Variants in CLINT1 observed in about 807,000 individuals in gnomAD.
CLINT1 encodes the protein clathrin interactor 1.
In CLINT1, 15 loss-of-function variants were observed where a neutral mutation model predicts 70.4. The observed-to-expected ratio is 0.21, with a 90% CI of 0.14 to 0.33. The LOEUF (loss-of-function observed/expected upper bound fraction) is 0.33. Among genes scored for constraint, CLINT1 ranks in the 10% least tolerant of loss-of-function variants. CLINT1 has a pLI of 1.00. For missense variants in CLINT1, 615 were observed against 778.1 expected (o/e 0.79, Z 2.49); for synonymous variants, 227 against 254.7 (o/e 0.89, Z 1.04).
chr5:157,804,931 AAAAAAG>A (rs71285036), intron 7 of CLINT1, among the ~76,000 whole-genome samples: 2,000 of 150,648 alleles, frequency 0.013, 52 homozygotes, highest in African/African-American at 0.046. Context: ...CGGTCTTCCA[AAAAAAG>A]AAAAAGAAAA....
At chr5:157,855,839 G>A (rs915666300) in intron 1 of CLINT1, among the ~76,000 whole-genome samples, 1 of 152,016 alleles carries the variant, frequency 6.6e-6, no homozygotes, top group African/African-American at 2.4e-5. Context: ...GGAGGCTGAG[G>A]CAGGAGACTC....
At chr5:157,817,419 C>T (rs747769159) in intron 2 of CLINT1, 24 bp downstream of exon 2, 1 of 1,445,532 alleles carries the variant, frequency 6.9e-7, no homozygotes, top group African/African-American at 1.4e-5. Context: ...TTTTTCTGCA[C>T]TGCTGAGTCA....
chr5:157,846,723 C>G (rs923551515), intron 1 of CLINT1, among the ~76,000 whole-genome samples: 3 of 152,220 alleles, frequency 2.0e-5, no homozygotes, highest in Non-Finnish European at 2.9e-5. Context: ...TTCAAAGCCT[C>G]AAAGGACAGG....
chr5:157,812,648 T>C (rs181758979), intron 5 of CLINT1, among the ~76,000 whole-genome samples: 158 of 152,300 alleles, frequency 1.0e-3, no homozygotes, highest in African/African-American at 3.7e-3. Flanking sequence ...TTATCTGGTT[T>C]GGGCCAAAAA....
intron 1 of CLINT1, among the ~76,000 whole-genome samples, chr5:157,831,053 A>G (rs1170932319): frequency 1.3e-5 from 2 of 151,790 alleles, no homozygotes; most frequent in Admixed American, 6.6e-5. Flanking sequence ...CAAAAAAACA[A>G]ACAAACAAAA....
At chr5:157,857,949 T>G (rs1481527510) in intron 1 of CLINT1, among the ~76,000 whole-genome samples, 1 of 152,232 alleles carries the variant, frequency 6.6e-6, no homozygotes, top group East Asian at 1.9e-4. Flanking sequence ...CCACACTTAT[T>G]GCATAATCAT....
At position 157,789,370 on chromosome 5, in the gene CLINT1, C is replaced by T. The variant is rs76983953; in HGVS notation, c.1524G>A (p.Gln508=). 1,088 of 1,613,862 alleles carry T rather than the reference C, an allele frequency of 6.7e-4. 8 individuals carry two copies. The African/African-American group carries it at 0.013, about 19-fold the overall frequency. ...CGTCTTAAGGTAACTTACTCTGTTG[C>T]TGAATCATTGTATTCAGTGATGGCT... ...PQQPSLNTMI[Q]QQNMQQPMNV... The change falls in exon 11 of 12, where the codon CAG becomes CAA. Residue 508 remains glutamine (Q), a synonymous_variant. Transcript: ENST00000411809.
chr5:157,793,477 G>A (rs978582283), intron 9 of CLINT1, among the ~76,000 whole-genome samples: 1 of 152,182 alleles, frequency 6.6e-6, no homozygotes, highest in Non-Finnish European at 1.5e-5. Flanking sequence ...TTGTTGCAAT[G>A]GTTTCAGCCC....
chr5:157,823,155 C>T (rs969231695), intron 1 of CLINT1, among the ~76,000 whole-genome samples: 87 of 152,246 alleles, frequency 5.7e-4, no homozygotes, highest in African/African-American at 1.9e-3. Flanking sequence ...TTCTGACGTA[C>T]GCATGCATAC....
chr5:157,829,689 A>ATTTTTTTTTTTTTTTTTTTTTT (rs3075709), intron 1 of CLINT1, among the ~76,000 whole-genome samples: 1 of 109,148 alleles, frequency 9.2e-6, no homozygotes, highest in Non-Finnish European at 1.8e-5. Context: ...ACACCCAGCT[A>ATTTTTTTTTTTTTTTTTTTTTT]TTTTTTTTTT....
In CLINT1 at chr5:157,786,117, T is replaced by G. The variant is rs1761720945; in HGVS notation, c.*1529A>C. 1 of 152,164 alleles carries G rather than the reference T, an allele frequency of 6.6e-6. No homozygotes were observed. The highest frequency in any genetic ancestry group is 6.5e-5 in the Admixed American group (1 of 15,274). 9.4% of individuals were successfully genotyped at this position (152,164 alleles called of 1,614,324 possible). A position where few individuals can be genotyped will look rare whatever the true frequency, so the allele number is the denominator to read the frequency against. On this transcript the variant is annotated 3_prime_UTR_variant, in exon 12 of 12. Coordinates refer to ENST00000411809, the MANE Select transcript of CLINT1 (RefSeq NM_014666.4). ...AGCAAGAATGGAGCAGGTCAGGATA[T>G]CTTTGCTGCTTCATTTTTAATTCCT...
At chr5:157,811,749 A>G (rs573280867) in intron 5 of CLINT1, among the ~76,000 whole-genome samples, 45 of 152,276 alleles carry the variant, frequency 3.0e-4, no homozygotes, top group Middle Eastern at 3.4e-3. Context: ...ATATAATTAT[A>G]TATCATGCTG....
At chr5:157,835,711 C>T (rs1332354766) in intron 1 of CLINT1, among the ~76,000 whole-genome samples, 1 of 152,016 alleles carries the variant, frequency 6.6e-6, no homozygotes, top group Admixed American at 6.6e-5. Flanking sequence ...AAAATAAACA[C>T]CCTCTACTCA....
intron 1 of CLINT1, among the ~76,000 whole-genome samples, chr5:157,847,088 T>G (rs897946349): frequency 6.6e-6 from 1 of 151,944 alleles, no homozygotes; most frequent in Non-Finnish European, 1.5e-5. Flanking sequence ...GACTTTCAAG[T>G]CTTATTATTT....
intron 1 of CLINT1, among the ~76,000 whole-genome samples, chr5:157,853,283 C>T (rs1039296828): frequency 5.3e-5 from 8 of 150,966 alleles, no homozygotes; most frequent in African/African-American, 2.0e-4. Flanking sequence ...AGGCCAGTCG[C>T]AGTGAGTTGA....
chr5:157,835,417 G>C (rs1290419712), intron 1 of CLINT1, among the ~76,000 whole-genome samples: 1 of 152,168 alleles, frequency 6.6e-6, no homozygotes, highest in Admixed American at 6.5e-5. Context: ...AATGTCACCA[G>C]AGGCTCAAAG....
Position 157,789,417 on chromosome 5 carries a change from T to A in CLINT1, c.1477A>T (p.Met493Leu). The A allele has an allele frequency of 1.2e-6, 2 of 1,614,018 alleles. No homozygotes were observed. Among genetic ancestry groups the A allele is most frequent in the East Asian group, 4.5e-5 (2 of 44,888 alleles). ...NISLDNLLPGMQPSKPQQPSL... is the reference protein window; with the variant it reads ...NISLDNLLPGLQPSKPQQPSL... ...GGCTGCTGGGGTTTGGAAGGCTGCA[T>A]ACCAGGTAGTAAGTTGTCTAGGCTG... Residue 493 changes from methionine to leucine, a missense_variant, in exon 11 of 12, where the codon ATG (methionine) becomes TTG (leucine). Transcript: ENST00000411809.
chr5:157,803,477 A>T (rs1183632319), intron 8 of CLINT1, among the ~76,000 whole-genome samples, 173 bp downstream of exon 8: 1 of 152,220 alleles, frequency 6.6e-6, no homozygotes, highest in Admixed American at 6.5e-5. Context: ...GTGTACATAT[A>T]AAAAGATAAG....
intron 1 of CLINT1, among the ~76,000 whole-genome samples, chr5:157,832,954 T>C (rs1319163191): frequency 6.6e-6 from 1 of 152,226 alleles, no homozygotes; most frequent in Non-Finnish European, 1.5e-5. Context: ...ACTCATCTTC[T>C]ACCAGACTAG....
Sources: gnomAD v4.1 joint callset for allele counts (sites outside exome capture counted in the v4.1 genomes callset) on GRCh38, gnomAD v4.1.1 for gene constraint, MANE v1.5 for transcripts, NCBI Gene and HGNC (gene_info 2026-07-23, HGNC 2026-07-21) for gene names.